NYAP2: variants seen among roughly 807,000 people sequenced by gnomAD.
The protein encoded by NYAP2 is neuronal tyrosine-phosphorylated phosphoinositide-3-kinase adaptor 2.
A neutral mutation model predicts 50.4 loss-of-function variants in NYAP2; 23 were observed. That is an observed-to-expected ratio of 0.46 (90% confidence interval 0.33 to 0.65). The LOEUF is 0.65. NYAP2 is among the 30% of genes least tolerant of loss of function. The probability of loss-of-function intolerance (pLI) is 0.02; values close to 1 mark genes in which losing one functional copy is unlikely to be tolerated. For synonymous variants in NYAP2, 394 were observed against 365.2 expected (o/e 1.08, Z -0.90); for missense variants, 885 against 861.0 (o/e 1.03, Z -0.35).
intron 5 of NYAP2, among the ~76,000 whole-genome samples, chr2:225,609,570 A>C (rs1171829539): frequency 6.6e-6 from 1 of 152,122 alleles, no homozygotes; most frequent in Non-Finnish European, 1.5e-5. Context: ...AGTCTGTAAA[A>C]GAGGATAGAG....
intron 3 of NYAP2, among the ~76,000 whole-genome samples, chr2:225,446,108 G>C (rs1164791922): frequency 6.6e-6 from 1 of 151,654 alleles, no homozygotes; most frequent in Non-Finnish European, 1.5e-5. Flanking sequence ...TCGAACCCGG[G>C]AGGCGGAGGT....
chr2:225,416,312 A>G (rs909003929), intron 3 of NYAP2, among the ~76,000 whole-genome samples: 2 of 152,202 alleles, frequency 1.3e-5, no homozygotes, highest in African/African-American at 4.8e-5. Context: ...AAATTAGACC[A>G]GAAAAATTCT....
At chr2:225,488,180 C>T (rs565018529) in intron 3 of NYAP2, among the ~76,000 whole-genome samples, 1 of 152,260 alleles carries the variant, frequency 6.6e-6, no homozygotes, top group East Asian at 1.9e-4. Context: ...AATCATTCTC[C>T]CACAGAGCTT....
intron 3 of NYAP2, among the ~76,000 whole-genome samples, chr2:225,472,301 T>C (rs886331599): frequency 6.6e-6 from 1 of 152,240 alleles, no homozygotes; most frequent in Non-Finnish European, 1.5e-5. Context: ...CTAATTATCA[T>C]GTTTGCCTAT....
chr2:225,582,203 C>A lies in NYAP2; in HGVS notation c.786C>A (p.Asp262Glu). 1.2e-6 allele frequency: 2 copies of A among 1,614,038 alleles called. No individual in the cohort carries two copies. The highest frequency in any genetic ancestry group is 1.7e-6 in the Non-Finnish European group (2 of 1,179,894). The change falls in exon 5 of 7, where the codon GAC (aspartate) becomes GAA (glutamate). Residue 262 changes from aspartate to glutamate, a missense_variant. Asp to Glu is a conservative substitution (Grantham distance 45). Coordinates refer to ENST00000636099, the Ensembl canonical transcript of NYAP2. The surrounding 1 kb of genome is among the most constrained non-coding windows in gnomAD (Gnocchi z 7.0). ...GAGACTTCAGGAAGGAGGACGATGA[C>A]CAGAGCGAGGCCGTCTACGAGGAAA...
chr2:225,573,622 A>G (rs1486613541), intron 4 of NYAP2, among the ~76,000 whole-genome samples: 1 of 151,972 alleles, frequency 6.6e-6, no homozygotes, highest in African/African-American at 2.4e-5. Flanking sequence ...TTTATGTGAC[A>G]ATGGCTGGGG....
intron 4 of NYAP2, among the ~76,000 whole-genome samples, chr2:225,523,493 G>A (rs772916297): frequency 1.6e-4 from 25 of 151,784 alleles, no homozygotes; most frequent in Non-Finnish European, 3.4e-4. Context: ...AAAATATCTA[G>A]GAATATATTT....
intron 3 of NYAP2, among the ~76,000 whole-genome samples, chr2:225,439,173 G>A (rs532309782): frequency 6.6e-5 from 10 of 152,272 alleles, no homozygotes; most frequent in African/African-American, 2.4e-4. Context: ...TAAGGGTTGG[G>A]TTTTCATTAG....
chr2:225,655,927 C>CACACACACATACACAT (rs1553561178), downstream of NYAP2, among the ~76,000 whole-genome samples: 1 of 97,184 alleles, frequency 1.0e-5, no homozygotes, highest in Non-Finnish European at 2.4e-5. Flanking sequence ...CACACACACA[C>CACACACACATACACAT]ATACACACAT....
chr2:225,647,956 A>G (rs559495493), intron 6 of NYAP2, among the ~76,000 whole-genome samples: 1 of 137,040 alleles, frequency 7.3e-6, no homozygotes, highest in Admixed American at 7.9e-5. Context: ...TTATATATAT[A>G]TGTGTGTGCA....
chr2:225,458,029 T>TA (rs1689767095), intron 3 of NYAP2, among the ~76,000 whole-genome samples: 1 of 152,102 alleles, frequency 6.6e-6, no homozygotes, highest in African/African-American at 2.4e-5. Context: ...ACCTGGTTGT[T>TA]ACAGCTTAAC....
exon 3 of NYAP2, chr2:225,408,892 C>A: frequency 2.5e-6 from 4 of 1,606,776 alleles, no homozygotes; most frequent in African/African-American, 1.3e-5. Flanking sequence ...TGATATCCTC[C>A]AAGATGATGA....
exon 7 of NYAP2, chr2:225,651,469 G>A (rs756029566): frequency 9.3e-5 from 150 of 1,613,814 alleles, no homozygotes; most frequent in African/African-American, 2.3e-4. Flanking sequence ...GGTCTGCGTC[G>A]ACGTCAGGTG....
At position 225,582,273 on chromosome 2, in the gene NYAP2, G is replaced by A. The variant is rs775500177; in HGVS notation, c.856G>A (p.Asp286Asn). 1.2e-6 allele frequency: 2 copies of A among 1,614,030 alleles called. No homozygotes were observed. Among genetic ancestry groups the A allele is most frequent in the East Asian group, 2.2e-5 (1 of 44,870 alleles). Reference sequence around the variant, plus strand: ...CGACTTGGGCCAAGACGCCAAATGTGACTTCGACCATCACAGCTGTTCTTC... The same window carrying A: ...CGACTTGGGCCAAGACGCCAAATGTAACTTCGACCATCACAGCTGTTCTTC... Residue 286 changes from aspartate (D) to asparagine (N), a missense_variant, in exon 5 of 7, where the codon GAC becomes AAC. Physicochemically the swap from Asp to Asn is conservative, Grantham distance 23 (BLOSUM62 1). Coordinates refer to ENST00000636099, the Ensembl canonical transcript of NYAP2. The surrounding 1 kb of genome is among the most constrained non-coding windows in gnomAD (Gnocchi z 7.0).
intron 5 of NYAP2, among the ~76,000 whole-genome samples, chr2:225,594,827 T>C (rs1692569390): frequency 1.3e-5 from 2 of 152,168 alleles, no homozygotes; most frequent in Non-Finnish European, 1.5e-5. Flanking sequence ...TGGTGGGAGC[T>C]AGGTTAATTA....
intron 6 of NYAP2, among the ~76,000 whole-genome samples, chr2:225,644,974 G>T (rs1238877563): frequency 6.6e-6 from 1 of 152,096 alleles, no homozygotes; most frequent in Non-Finnish European, 1.5e-5. Context: ...GGAACAAAAA[G>T]AATGTCCAGG....
At chr2:225,594,907 A>T (rs1342901277) in intron 5 of NYAP2, among the ~76,000 whole-genome samples, 1 of 152,198 alleles carries the variant, frequency 6.6e-6, no homozygotes, top group Admixed American at 6.5e-5. Context: ...CAAATGGAAG[A>T]AGTAAAAATA....
At chr2:225,701,716 C>T in the NYAP2 span, 1 of 151,556 alleles carries the variant, frequency 6.6e-6, no homozygotes, top group African/African-American at 2.4e-5. Flanking sequence ...AACAAAACGT[C>T]CGGAGATTTA....
At chr2:225,466,099 G>A (rs1334418072) in intron 3 of NYAP2, among the ~76,000 whole-genome samples, 1 of 152,196 alleles carries the variant, frequency 6.6e-6, no homozygotes, top group East Asian at 1.9e-4. Context: ...AACTCCTGGA[G>A]AAGCCCGATC....
Sources: gnomAD v4.1 joint callset for allele counts (sites outside exome capture counted in the v4.1 genomes callset) on GRCh38, gnomAD v4.1.1 for gene constraint, Gnocchi (gnomAD v3.1) non-coding constraint, MANE v1.5 for transcripts, NCBI Gene and HGNC (gene_info 2026-07-23, HGNC 2026-07-21) for gene names.